Variants in EFHD2 observed in about 807,000 individuals in gnomAD.
EFHD2 encodes EF-hand domain family member D2.
In EFHD2, 12 loss-of-function variants were observed where a neutral mutation model predicts 20.3. The observed-to-expected ratio is 0.59, with a 90% CI of 0.38 to 0.96. The LOEUF (loss-of-function observed/expected upper bound fraction) is 0.96, where lower values mean the gene tolerates loss of function less well. Among genes scored for constraint, EFHD2 ranks in the 40% least tolerant of loss-of-function variants. The probability of loss-of-function intolerance (pLI) is 0.00; values close to 1 mark genes in which losing one functional copy is unlikely to be tolerated. For missense variants in EFHD2, 250 were observed against 334.3 expected (o/e 0.75, Z 1.97); for synonymous variants, 131 against 143.9 (o/e 0.91, Z 0.64).
At chr1:15,417,505 C>G (rs891589457) in intron 1 of EFHD2, among the ~76,000 whole-genome samples, 1 of 152,126 alleles carries the variant, frequency 6.6e-6, no homozygotes, top group African/African-American at 2.4e-5. Context: ...GGGTCTCCCT[C>G]TTTATCCTCC....
chr1:15,411,747 G>A (rs1380038123), intron 1 of EFHD2, among the ~76,000 whole-genome samples: 4 of 152,208 alleles, frequency 2.6e-5, no homozygotes, highest in African/African-American at 7.2e-5. Flanking sequence ...GGAGGGATGC[G>A]GCAAGGCCGG....
rs1332720776 is a variant in EFHD2, at chr1:15,429,996, C to T, written c.*1272C>T. Reference sequence around the variant, plus strand: ...CAACTTTCAGTGTGTGTCATAACGACGTCACTGCTTTTTAAACTCGATAAC... The same window carrying T: ...CAACTTTCAGTGTGTGTCATAACGATGTCACTGCTTTTTAAACTCGATAAC... On this transcript the variant is annotated 3_prime_UTR_variant, in exon 4 of 4. Transcript: ENST00000375980. 6 of 152,662 alleles carry T rather than the reference C, an allele frequency of 3.9e-5. No homozygotes were observed. Among genetic ancestry groups the T allele is most frequent in the Admixed American group, 6.5e-5 (1 of 15,282 alleles). The allele number at this position is 152,662 out of a possible 1,614,324, so 9.5% of individuals were successfully genotyped here.
intron 1 of EFHD2, among the ~76,000 whole-genome samples, chr1:15,420,061 AC>A (rs1230452360): frequency 1.3e-4 from 20 of 151,452 alleles, no homozygotes; most frequent in African/African-American, 4.9e-4. Context: ...CATCATGTCC[AC>A]CCCTGCCTCC....
At chr1:15,418,236 C>T (rs1356256883) in intron 1 of EFHD2, among the ~76,000 whole-genome samples, 7 of 151,226 alleles carry the variant, frequency 4.6e-5, no homozygotes, top group Admixed American at 6.6e-5. Flanking sequence ...GTGATCTGCC[C>T]GCCTCGGCCT....
chr1:15,430,260 AC>A lies in EFHD2; in HGVS notation c.*1542del, dbSNP rs1557504363. On this transcript the variant is annotated 3_prime_UTR_variant, in exon 4 of 4. Coordinates refer to ENST00000375980, the MANE Select transcript of EFHD2 (RefSeq NM_024329.6). ...CTCACCTTCCCTTCTCCCCGACCCC[AC>A]CCCCCAAAAAAGCTACTTCTTCATT... The A allele has an allele frequency of 2.3e-5, 2 of 87,046 alleles. No homozygotes were observed. Among genetic ancestry groups the A allele is most frequent in the South Asian group, 3.3e-4 (1 of 3,062 alleles). The allele number at this position is 87,046 out of a possible 1,614,324, so 5.4% of individuals were successfully genotyped here.
chr1:15,415,739 C>T (rs1277875290), intron 1 of EFHD2, among the ~76,000 whole-genome samples: 5 of 152,162 alleles, frequency 3.3e-5, no homozygotes, highest in Admixed American at 3.3e-4. Flanking sequence ...ATCTGCCCGC[C>T]TCAGCCTCCC....
intron 1 of EFHD2, among the ~76,000 whole-genome samples, chr1:15,415,887 T>A (rs1258008509): frequency 1.3e-5 from 2 of 152,102 alleles, no homozygotes; most frequent in Admixed American, 6.5e-5. Context: ...AGTGACAGGA[T>A]TAGAACCAGA....
In EFHD2 at chr1:15,422,076, G is replaced by C. The variant is rs557291227; in HGVS notation, c.309-3795G>C. 1.7e-3 allele frequency among the ~76,000 whole-genome samples: 257 copies of C among 150,504 alleles called. 2 individuals are homozygous for C. The highest frequency in any genetic ancestry group is 6.1e-3 in the African/African-American group (248 of 40,868). The stretch of plus-strand genomic sequence containing the variant: ...TCAGCTCCACTGGCACTTGGGGCCA[G>C]GTCATTCCATTTTTTTTTTTTTTTT... On this transcript the variant is annotated intron_variant, in intron 1 of 3. Coordinates refer to ENST00000375980, the MANE Select transcript of EFHD2 (RefSeq NM_024329.6).
At chr1:15,418,585 G>A (rs958611140) in intron 1 of EFHD2, among the ~76,000 whole-genome samples, 17 of 151,992 alleles carry the variant, frequency 1.1e-4, no homozygotes, top group Admixed American at 3.3e-4. Context: ...GATTACAGGC[G>A]GGAGCCACGG....
chr1:15,422,600 A>T (rs533512469), intron 1 of EFHD2, among the ~76,000 whole-genome samples: 1 of 151,864 alleles, frequency 6.6e-6, no homozygotes, highest in South Asian at 2.1e-4. Flanking sequence ...GGTGGCTCAC[A>T]CCTGTAATCT....
chr1:15,413,371 C>T lies in EFHD2; in HGVS notation c.308+3092C>T, dbSNP rs1707580412. Among the ~76,000 whole-genome samples the T allele has an allele frequency of 6.6e-6, 1 of 152,158 alleles. No individual in the cohort carries two copies. ...CTTGTCCTCCCTGGGCCTCAGTCTA[C>T]CCACCTGTAAAAGGGGCAGGCTATC... On this transcript the variant is annotated intron_variant, in intron 1 of 3. Coordinates refer to ENST00000375980, the MANE Select transcript of EFHD2 (RefSeq NM_024329.6). This position sits in a 1 kb window ranked among gnomAD's most constrained non-coding sequence, Gnocchi z 4.4.
chr1:15,424,124 A>G (rs1557501421), intron 1 of EFHD2, among the ~76,000 whole-genome samples: 2 of 151,646 alleles, frequency 1.3e-5, no homozygotes, highest in Admixed American at 6.6e-5. Context: ...CCCAGGAGGT[A>G]GAGGCTGCAG....
chr1:15,425,239 T>C (rs2103279349), intron 1 of EFHD2, among the ~76,000 whole-genome samples: 3 of 152,148 alleles, frequency 2.0e-5, no homozygotes, highest in African/African-American at 7.2e-5. Context: ...GAGAATTCCT[T>C]CTCGGCCAGG....
rs77815160 is a variant in EFHD2 at position 15,428,725 on chromosome 1, C to T, written c.*1C>T. On this transcript the variant is annotated 3_prime_UTR_variant, in exon 4 of 4. Transcript: ENST00000375980. ...GGAGCTGCAGTCCACCTTTAAGTAG[C>T]GGGGGCTGCAGCCGACCGCCCTGCT... is the stretch of plus-strand genomic sequence containing the variant. 2.6e-3 allele frequency: 4,152 copies of T among 1,579,926 alleles called. 94 individuals are homozygous for T. The African/African-American group carries it at 0.047, about 18-fold the overall frequency.
At chr1:15,418,046 G>C (rs1360888292) in intron 1 of EFHD2, among the ~76,000 whole-genome samples, 1 of 134,220 alleles carries the variant, frequency 7.5e-6, no homozygotes, top group African/African-American at 2.9e-5. Context: ...CTGGAGTGCA[G>C]TGGCACAATC....
At chr1:15,418,618 A>G (rs1254425405) in intron 1 of EFHD2, among the ~76,000 whole-genome samples, 1 of 145,078 alleles carries the variant, frequency 6.9e-6, no homozygotes, top group East Asian at 2.1e-4. Flanking sequence ...ACTTTCTAAT[A>G]GTTCCAAAGC....
intron 1 of EFHD2, among the ~76,000 whole-genome samples, chr1:15,419,055 G>A (rs1349938978): frequency 6.6e-6 from 1 of 152,272 alleles, no homozygotes. Context: ...GCTCACCTGG[G>A]TGCAAGGCTG....
At position 15,426,039 on chromosome 1, in the gene EFHD2, C is replaced by T. The variant is rs772121025; in HGVS notation, c.456+21C>T. ...GGGAGGTAAGCCCGGCCCCCAGCCCCACTCCCCTACCAGGGGCTTCACCTG... is the reference window on the plus strand; with the variant it reads ...GGGAGGTAAGCCCGGCCCCCAGCCCTACTCCCCTACCAGGGGCTTCACCTG... On this transcript the variant is annotated intron_variant, in intron 2 of 3. Transcript: ENST00000375980. The surrounding 1 kb of genome is among the most constrained non-coding windows in gnomAD (Gnocchi z 4.6). 1 of 1,553,042 alleles carries T rather than the reference C, an allele frequency of 6.4e-7. No individual in the cohort carries two copies.
chr1:15,412,697 C>A (rs1366176288), intron 1 of EFHD2, among the ~76,000 whole-genome samples: 1 of 152,228 alleles, frequency 6.6e-6, no homozygotes, highest in Admixed American at 6.5e-5. Flanking sequence ...TCTGGGAGAA[C>A]CCAGACACTT....
Sources: gnomAD v4.1 joint callset for allele counts (sites outside exome capture counted in the v4.1 genomes callset) on GRCh38, gnomAD v4.1.1 for gene constraint, Gnocchi (gnomAD v3.1) non-coding constraint, MANE v1.5 for transcripts, NCBI Gene and HGNC (gene_info 2026-07-23, HGNC 2026-07-21) for gene names.